SYNJ1: variants seen among roughly 807,000 people sequenced by gnomAD.
The protein encoded by SYNJ1 is polyphosphatidylinositol phosphatase SYNJ1.
Under a neutral mutation model 168.2 loss-of-function variants are expected in SYNJ1, and 78 were observed. That is an observed-to-expected ratio of 0.46 (90% CI 0.39 to 0.56). The LOEUF is 0.56. SYNJ1 is among the 20% of genes least tolerant of loss of function. The pLI, the probability that SYNJ1 is intolerant of heterozygous loss-of-function variation, is 0.00. For synonymous variants in SYNJ1, 539 were observed against 548.6 expected, an observed-to-expected ratio of 0.98 and a Z score of 0.24; for missense variants, 1,303 against 1,597.6, an observed-to-expected ratio of 0.82 and a Z score of 3.14.
chr21:32,680,676 C>T (rs1170496727), intron 11 of SYNJ1, among the ~76,000 whole-genome samples: 1 of 151,570 alleles, frequency 6.6e-6, no homozygotes, highest in Non-Finnish European at 1.5e-5. Flanking sequence ...AGTGCAGTGG[C>T]GTGATCTTGG....
At chr21:32,687,503 G>A (rs1387651353) in intron 7 of SYNJ1, among the ~76,000 whole-genome samples, 1 of 152,110 alleles carries the variant, frequency 6.6e-6, no homozygotes, top group African/African-American at 2.4e-5. Context: ...CCCCAAATAC[G>A]AGTCTTTTCT....
At chr21:32,701,748 G>A (rs938552745) in intron 3 of SYNJ1, among the ~76,000 whole-genome samples, 1 of 152,054 alleles carries the variant, frequency 6.6e-6, no homozygotes, top group South Asian at 2.1e-4. Flanking sequence ...GACTGTCTCC[G>A]AACTTCCACT....
At position 32,719,834 on chromosome 21, in the gene SYNJ1, C is replaced by T. The variant is rs142416963; in HGVS notation, c.124+6938G>A. Among the ~76,000 whole-genome samples, 23 of 151,496 alleles carry T rather than the reference C, an allele frequency of 1.5e-4. No individual in the cohort carries two copies. The East Asian group carries it at 4.4e-3, about 29-fold the overall frequency. On this transcript the variant is annotated intron_variant, in intron 2 of 32. Coordinates refer to ENST00000674351, the MANE Select transcript of SYNJ1 (RefSeq NM_203446.3). ...GAAAATAAATGTTCTATTTTTTCTG[C>T]ATTTTTTTTTTTGAACAGCTACAAA... is the stretch of plus-strand genomic sequence containing the variant.
chr21:32,639,872 C>T (rs1458126651), intron 29 of SYNJ1, 93 bp from the exon 30 acceptor site: 7 of 1,027,118 alleles, frequency 6.8e-6, no homozygotes, highest in Non-Finnish European at 1.0e-5. Context: ...CATTTACTTT[C>T]TTCTATGGTA....
intron 2 of SYNJ1, among the ~76,000 whole-genome samples, chr21:32,706,575 T>G (rs1236125306): frequency 6.6e-6 from 1 of 151,954 alleles, no homozygotes; most frequent in Non-Finnish European, 1.5e-5. Flanking sequence ...TTTAAATTGC[T>G]GCAAAATTAA....
chr21:32,727,779 G>T, intron 1 of SYNJ1, 167 bp downstream of exon 1: 1 of 1,375,860 alleles, frequency 7.3e-7, no homozygotes, highest in Non-Finnish European at 9.5e-7. Context: ...ACAACCAGTG[G>T]TCTGCTCACA....
At chr21:32,645,534 T>G in intron 25 of SYNJ1, 112 bp downstream of exon 25, 1 of 1,339,828 alleles carries the variant, frequency 7.5e-7, no homozygotes, top group Non-Finnish European at 9.7e-7. Context: ...ATAGCAATAA[T>G]GATAGAAAAA....
rs1215956442 is a variant in SYNJ1 at position 32,695,992 on chromosome 21, G to A, written c.480-710C>T. The stretch of plus-strand genomic sequence containing the variant: ...CTCCTGAGTAGCTGGGACCACAGGC[G>A]CCCACCACCATGCTTGGCTAATTTT... On this transcript the variant is annotated intron_variant, in intron 4 of 32. Coordinates refer to ENST00000674351, the MANE Select transcript of SYNJ1 (RefSeq NM_203446.3). 3.3e-5 allele frequency among the ~76,000 whole-genome samples: 5 copies of A among 151,926 alleles called. No individual in the cohort carries two copies. The South Asian group carries it at 6.2e-4, about 19-fold the overall frequency.
intron 25 of SYNJ1, among the ~76,000 whole-genome samples, chr21:32,645,376 C>G (rs2040015045): frequency 1.3e-5 from 2 of 152,024 alleles, no homozygotes; most frequent in Admixed American, 1.3e-4. Context: ...CTAACTAGAT[C>G]AAATTAGCAA....
At position 32,699,863 on chromosome 21, in the gene SYNJ1, G is replaced by C. The variant is rs202061501; in HGVS notation, c.454C>G (p.Gln152Glu). 1 of 1,613,590 alleles carries C rather than the reference G, an allele frequency of 6.2e-7. No homozygotes were observed. Among genetic ancestry groups the C allele is most frequent in the Non-Finnish European group, 8.5e-7 (1 of 1,179,816 alleles). The stretch of plus-strand genomic sequence containing the variant: ...CAGAAAAATCTATTATCAGTTGTCT[G>C]TTCTTGCATGCTACGATGCGCATTA... ...SLNAHRSMQE[Q>E]TTDNRFFWNQ... is the part of the protein sequence containing the mutation. Residue 152 changes from glutamine to glutamate, a missense_variant, in exon 4 of 33, where the codon CAG (glutamine) becomes GAG (glutamate). Around this residue, in one of 2 missense-constraint regions of SYNJ1, gnomAD observed 920 missense variants for 1,208.8 expected, o/e 0.76. Coordinates refer to ENST00000674351, the MANE Select transcript of SYNJ1 (RefSeq NM_203446.3).
Position 32,652,746 on chromosome 21 carries a change from A to G in SYNJ1, c.2874+542T>C, listed in dbSNP as rs112571873. On this transcript the variant is annotated intron_variant, in intron 22 of 32. Coordinates refer to ENST00000674351, the MANE Select transcript of SYNJ1 (RefSeq NM_203446.3). ...CCAACAATGTAAGTTTCCGTCATCA[A>G]TGACTTTTCAAATCACAGGTTAGGA... Among the ~76,000 whole-genome samples, 12 of 152,366 alleles carry G rather than the reference A, an allele frequency of 7.9e-5. 1 individual carries two copies. Among genetic ancestry groups the G allele is most frequent in the African/African-American group, 2.9e-4 (12 of 41,580 alleles).
chr21:32,694,238 G>T lies in SYNJ1; in HGVS notation c.779C>A (p.Pro260Gln). 1 of 1,537,022 alleles carries T rather than the reference G, an allele frequency of 6.5e-7. No homozygotes were observed. Among genetic ancestry groups the T allele is most frequent in the Non-Finnish European group, 8.7e-7 (1 of 1,147,598 alleles). Residue 260 changes from proline to glutamine, a missense_variant, in exon 6 of 33, where the codon CCA becomes CAA. By Grantham distance (76) the Pro-to-Gln change is moderately conservative. This residue lies in a region of SYNJ1 where 920 missense variants were observed against 1,208.8 expected (regional missense o/e 0.76). Transcript: ENST00000674351. ...ATGTCAAACACATACTTGCAACCCT[G>T]GTTGCTCCCAGAACAATGGAACAGA... is the stretch of plus-strand genomic sequence containing the variant. ...RGSVPLFWEQPGLQVGSHRVR... is the reference protein window; with the variant it reads ...RGSVPLFWEQQGLQVGSHRVR...
intron 1 of SYNJ1, among the ~76,000 whole-genome samples, chr21:32,727,548 C>T (rs2043521727): frequency 6.6e-6 from 1 of 152,122 alleles, no homozygotes; most frequent in Non-Finnish European, 1.5e-5. Flanking sequence ...GGAAGAGTCA[C>T]GACTCGGGGC....
intron 25 of SYNJ1, 89 bp downstream of exon 25, chr21:32,645,557 A>G: frequency 7.1e-7 from 1 of 1,406,506 alleles, no homozygotes; most frequent in Admixed American, 3.4e-5. Flanking sequence ...TGTAAAATCC[A>G]GAAGCTAGAG....
intron 24 of SYNJ1, 142 bp from the exon 25 acceptor site, chr21:32,645,931 CA>C (rs2040047496): frequency 8.0e-7 from 1 of 1,252,132 alleles, no homozygotes; most frequent in Non-Finnish European, 1.1e-6. Context: ...GTATGAATAA[CA>C]AAAGCAGTCT....
chr21:32,700,259 A>T (rs2042351215), intron 3 of SYNJ1, among the ~76,000 whole-genome samples, 154 bp from the exon 4 acceptor site: 1 of 152,230 alleles, frequency 6.6e-6, no homozygotes, highest in Non-Finnish European at 1.5e-5. Flanking sequence ...AGTTGAAAAA[A>T]ATCCTTGTTT....
chr21:32,657,198 T>C, intron 19 of SYNJ1, 78 bp from the exon 20 acceptor site: 1 of 959,770 alleles, frequency 1.0e-6, no homozygotes, highest in East Asian at 2.5e-5. Flanking sequence ...GGCATTCTCC[T>C]TCCTTTCATG....
chr21:32,666,434 T>C lies in SYNJ1; in HGVS notation c.1951A>G (p.Arg651Gly), dbSNP rs1435855159. 1.2e-6 allele frequency: 2 copies of C among 1,612,896 alleles called. No individual in the cohort carries two copies. The highest frequency in any genetic ancestry group is 1.3e-5 in the African/African-American group (1 of 74,836). Residue 651 changes from arginine (R) to glycine (G), a missense_variant and splice_region_variant, in exon 16 of 33, where the codon AGG (arginine) becomes GGG (glycine). Transcript: ENST00000674351. ...TAGAGGAGTGTTCTGTTTACTGACC[T>C]GATAAAAGGAGCATGCTGTGGTCTG... is the stretch of plus-strand genomic sequence containing the variant. ...FIRPQHAPFI[R>G]DVAVDTVKTG...
In SYNJ1 at chr21:32,636,649, C is replaced by T. The variant is rs117548258; in HGVS notation, c.3916-1765G>A. Among the ~76,000 whole-genome samples, 443 of 151,692 alleles carry T rather than the reference C, an allele frequency of 2.9e-3. 2 individuals are homozygous for T. Among genetic ancestry groups the T allele is most frequent in the Admixed American group, 5.0e-3 (76 of 15,228 alleles). ...TATTTTTAAAATAGGCATTATTTTA[C>T]GGTTCAAAATTCAAAAGGTACAAAA... On this transcript the variant is annotated intron_variant, in intron 31 of 32. Coordinates refer to ENST00000674351, the MANE Select transcript of SYNJ1 (RefSeq NM_203446.3).
Sources: gnomAD v4.1 joint callset for allele counts (sites outside exome capture counted in the v4.1 genomes callset) on GRCh38, gnomAD v4.1.1 for gene constraint, gnomAD v4.1.1 regional missense constraint, MANE v1.5 for transcripts, NCBI Gene and HGNC (gene_info 2026-07-23, HGNC 2026-07-21) for gene names.